Variants in ASXL2 observed in about 807,000 individuals in gnomAD.
ASXL2 encodes the protein ASXL transcriptional regulator 2, also known as putative Polycomb group protein ASXL2.
Under a neutral mutation model 122.0 loss-of-function variants are expected in ASXL2, and 23 were observed. The observed-to-expected ratio is 0.19, with a 90% CI of 0.14 to 0.27. The LOEUF is 0.27. Ranked by LOEUF, ASXL2 falls within the 10% of genes least tolerant of loss-of-function variation. The pLI, the probability that ASXL2 is intolerant of heterozygous loss-of-function variation, is 1.00. For missense variants in ASXL2, 1,518 were observed against 1,713.8 expected (o/e 0.89, Z 2.02); for synonymous variants, 650 against 637.0 (o/e 1.02, Z -0.31).
At chr2:25,748,037 C>T (rs893495445) in intron 12 of ASXL2, among the ~76,000 whole-genome samples, 3 of 151,502 alleles carry the variant, frequency 2.0e-5, no homozygotes, top group Admixed American at 6.6e-5. Flanking sequence ...ATTAGCCAGG[C>T]GTCGTGGCTT....
intron 3 of ASXL2, among the ~76,000 whole-genome samples, chr2:25,809,296 GA>G (rs71399325): frequency 6.3e-4 from 90 of 143,890 alleles, no homozygotes; most frequent in East Asian, 2.2e-3. Context: ...CACTTCTAAT[GA>G]AAAAAAAAAA....
chr2:25,771,056 T>C (rs1430236841), intron 6 of ASXL2, among the ~76,000 whole-genome samples: 1 of 151,930 alleles, frequency 6.6e-6, no homozygotes, highest in Non-Finnish European at 1.5e-5. Context: ...GCCAACATGG[T>C]GAAACCCTGT....
chr2:25,841,884 T>C (rs552324821), intron 2 of ASXL2, among the ~76,000 whole-genome samples: 101 of 150,984 alleles, frequency 6.7e-4, no homozygotes, highest in African/African-American at 2.4e-3. Context: ...GAGGCAGAGC[T>C]TGCAGTGAGC....
chr2:25,867,231 C>T (rs887655828), intron 1 of ASXL2, among the ~76,000 whole-genome samples: 1 of 151,532 alleles, frequency 6.6e-6, no homozygotes, highest in African/African-American at 2.4e-5. Flanking sequence ...GAGACAGGTT[C>T]TATCTAAAAA....
chr2:25,780,853 C>T (rs368606191), intron 5 of ASXL2, among the ~76,000 whole-genome samples: 4 of 151,606 alleles, frequency 2.6e-5, no homozygotes, highest in African/African-American at 7.3e-5. Flanking sequence ...TTTGGGAGGC[C>T]GAGGTGGGCG....
rs758877187 is a variant in ASXL2, at chr2:25,749,872, T to G, written c.1684A>C (p.Ser562Arg). The change falls in exon 12 of 13, where the codon AGC becomes CGC. Residue 562 changes from serine (S) to arginine (R), a missense_variant. Transcript: ENST00000435504. ...GACTTCCTCTTGAGGCTTTCTGGGC[T>G]CTGATCAACAAGAGTTGCTAGAGGT... is the stretch of plus-strand genomic sequence containing the variant. ...KEPLATLVDQ[S>R]PESLKRKSSL... The G allele has an allele frequency of 2.1e-5, 34 of 1,611,098 alleles. No homozygotes were observed. The highest frequency in any genetic ancestry group is 5.0e-5 in the Admixed American group (3 of 59,432).
chr2:25,865,072 C>T (rs2089885831), intron 1 of ASXL2, among the ~76,000 whole-genome samples: 1 of 151,828 alleles, frequency 6.6e-6, no homozygotes, highest in African/African-American at 2.4e-5. Context: ...ATCCACCCAC[C>T]TCAGCCTACA....
At chr2:25,801,068 A>C (rs1325668290) in intron 4 of ASXL2, among the ~76,000 whole-genome samples, 1 of 152,186 alleles carries the variant, frequency 6.6e-6, no homozygotes, top group East Asian at 1.9e-4. Flanking sequence ...CTGGGACTAC[A>C]GGTGTGTGCC....
chr2:25,790,298 T>A (rs564756888), intron 5 of ASXL2, among the ~76,000 whole-genome samples: 69 of 102,300 alleles, frequency 6.7e-4, no homozygotes, highest in African/African-American at 2.6e-3. Flanking sequence ...GAGGTGGTGG[T>A]GATATGAGTC....
intron 12 of ASXL2, among the ~76,000 whole-genome samples, chr2:25,747,340 C>T (rs1285242593): frequency 6.6e-6 from 1 of 152,090 alleles, no homozygotes; most frequent in Non-Finnish European, 1.5e-5. Flanking sequence ...TCTACTACTA[C>T]ATTGTGAATT....
Position 25,815,321 on chromosome 2 carries a change from C to A in ASXL2, c.144-8984G>T, listed in dbSNP as rs183307334. Among the ~76,000 whole-genome samples, 4 of 152,242 alleles carry A rather than the reference C, an allele frequency of 2.6e-5. No individual in the cohort carries two copies. In the East Asian group the frequency reaches 5.8e-4, roughly 22 times the overall value. On this transcript the variant is annotated intron_variant, in intron 3 of 12. Transcript: ENST00000435504. ...CTCTCTGCCAGCCTACTCTACCTTT[C>A]TTTTCATTTGGTAATTTAAAATTCT...
Position 25,742,446 on chromosome 2 carries a change from A to C in ASXL2, c.3891T>G (p.Pro1297=), listed in dbSNP as rs750411348. The change falls in exon 13 of 13, where the codon CCT becomes CCG. Residue 1297 remains proline (P), a synonymous_variant. Transcript: ENST00000435504. The part of the protein sequence containing the change: ...ELFSSTVLPL[P]ADSPTHQPLL... Reference sequence around the variant, plus strand: ...GGGGCTGGTGGGTGGGGCTGTCTGCAGGCAGAGGAAGAACAGTAGAACTGA... The same window carrying C: ...GGGGCTGGTGGGTGGGGCTGTCTGCCGGCAGAGGAAGAACAGTAGAACTGA... The C allele has an allele frequency of 7.4e-6, 12 of 1,611,392 alleles. No homozygotes were observed. The highest frequency in any genetic ancestry group is 9.3e-6 in the Non-Finnish European group (11 of 1,178,614).
rs61731860 is a variant in ASXL2, at chr2:25,856,882, A to G, written c.58-11319T>C. On this transcript the variant is annotated intron_variant, in intron 1 of 12. Coordinates refer to ENST00000435504, the MANE Select transcript of ASXL2 (RefSeq NM_018263.6). ...CAAGTGGCCCAGTCATTCTGGTCAA[A>G]GGGGTCCTCGATGGAGACGAGTCTA... 2,172 of 722,378 alleles carry G rather than the reference A, an allele frequency of 3.0e-3. 3 individuals carry two copies. Among genetic ancestry groups the G allele is most frequent in the Middle Eastern group, 0.014 (44 of 3,160 alleles). The allele number at this position is 722,378 out of a possible 1,614,324, so 44.7% of individuals were successfully genotyped here.
chr2:25,839,007 G>T (rs1017332018), intron 2 of ASXL2, among the ~76,000 whole-genome samples: 5 of 152,158 alleles, frequency 3.3e-5, no homozygotes, highest in South Asian at 2.1e-4. Flanking sequence ...GAGAATAGGG[G>T]TTCCTTAAAC....
Position 25,741,785 on chromosome 2 carries a change from G to C in ASXL2, c.*244C>G. On this transcript the variant is annotated 3_prime_UTR_variant, in exon 13 of 13. Coordinates refer to ENST00000435504, the MANE Select transcript of ASXL2 (RefSeq NM_018263.6). ...TAAACAAAATGTGACATATTTACATGATTTTGTAAGTGCAAACTTGTCACA... is the reference window on the plus strand; with the variant it reads ...TAAACAAAATGTGACATATTTACATCATTTTGTAAGTGCAAACTTGTCACA... 3 of 465,260 alleles carry C rather than the reference G, an allele frequency of 6.4e-6. No homozygotes were observed. Among genetic ancestry groups the C allele is most frequent in the Middle Eastern group, 1.1e-3 (2 of 1,768 alleles). 28.8% of individuals were successfully genotyped at this position (465,260 alleles called of 1,614,324 possible). A position where few individuals can be genotyped will look rare whatever the true frequency, so the allele number is the denominator to read the frequency against.
chr2:25,785,719 G>A (rs2088733943), intron 5 of ASXL2, among the ~76,000 whole-genome samples: 1 of 149,672 alleles, frequency 6.7e-6, no homozygotes, highest in African/African-American at 2.5e-5. Flanking sequence ...GCTCACTTTT[G>A]TAATTTTAGT....
At chr2:25,856,063 T>C (rs1012741033) in intron 1 of ASXL2, among the ~76,000 whole-genome samples, 2 of 151,136 alleles carry the variant, frequency 1.3e-5, no homozygotes, top group African/African-American at 4.9e-5. Flanking sequence ...CTAATTTTTG[T>C]TTTTTGTTTT....
Position 25,742,791 on chromosome 2 carries a change from A to G in ASXL2, c.3546T>C (p.Asp1182=), listed in dbSNP as rs748771560. 2.2e-5 allele frequency: 36 copies of G among 1,613,852 alleles called. No individual in the cohort carries two copies. The highest frequency in any genetic ancestry group is 3.1e-5 in the Non-Finnish European group (36 of 1,179,872). Reference sequence around the variant, plus strand: ...CCTGCTCATCACCAGTACTTTCCTCATCAGTGTCATCTTCTTTGCTGCTGC... The same window carrying G: ...CCTGCTCATCACCAGTACTTTCCTCGTCAGTGTCATCTTCTTTGCTGCTGC... The part of the protein sequence containing the change: ...ESSSSKEDDT[D]EESTGDEQES... The change falls in exon 13 of 13, where the codon GAT becomes GAC. Residue 1182 remains aspartate, a synonymous_variant. Transcript: ENST00000435504.
intron 5 of ASXL2, among the ~76,000 whole-genome samples, chr2:25,780,680 C>T (rs2088619775): frequency 6.6e-6 from 1 of 152,156 alleles, no homozygotes; most frequent in African/African-American, 2.4e-5. Context: ...TTTTTGACAG[C>T]TTATCTCTGA....
Sources: gnomAD v4.1 joint callset for allele counts (sites outside exome capture counted in the v4.1 genomes callset) on GRCh38, gnomAD v4.1.1 for gene constraint, MANE v1.5 for transcripts, NCBI Gene and HGNC (gene_info 2026-07-23, HGNC 2026-07-21) for gene names.